TAF4B: variants seen among roughly 807,000 people sequenced by gnomAD.
TAF4B encodes the protein TATA-box binding protein associated factor 4b, also known as transcription initiation factor TFIID subunit 4B.
In TAF4B, 38 loss-of-function variants were observed where a neutral mutation model predicts 86.4. That is an observed-to-expected ratio of 0.44 (90% CI 0.34 to 0.58). The LOEUF (loss-of-function observed/expected upper bound fraction) is 0.58. Among genes scored for constraint, TAF4B ranks in the 20% least tolerant of loss-of-function variants. TAF4B has a pLI of 0.02. For synonymous variants in TAF4B, 388 were observed against 391.2 expected (o/e 0.99, Z 0.10); for missense variants, 988 against 1,027.6 (o/e 0.96, Z 0.53).
At chr18:26,246,177 G>A (rs1568101429) in intron 1 of TAF4B, among the ~76,000 whole-genome samples, 1 of 152,154 alleles carries the variant, frequency 6.6e-6, no homozygotes, top group African/African-American at 2.4e-5. Flanking sequence ...GAATATATGA[G>A]CATTGAAATT....
At chr18:26,250,323 C>A (rs1029998261) in intron 1 of TAF4B, among the ~76,000 whole-genome samples, 77 of 152,142 alleles carry the variant, frequency 5.1e-4, no homozygotes, top group African/African-American at 1.7e-3. Context: ...CGGTGAAACC[C>A]TGTCTCTACT....
intron 6 of TAF4B, among the ~76,000 whole-genome samples, chr18:26,285,236 T>G (rs1443151312): frequency 7.1e-6 from 1 of 140,960 alleles, no homozygotes; most frequent in African/African-American, 2.6e-5. Context: ...TTTTTTTTTT[T>G]GGAGATGGGG....
At chr18:26,317,731 T>C (rs1676998) in intron 10 of TAF4B, among the ~76,000 whole-genome samples, 141,568 of 152,266 alleles carry the variant, frequency 0.93, 66,135 homozygotes, top group East Asian at 0.99. Flanking sequence ...AGCCATCTTC[T>C]TGCTGTGTTT....
At chr18:26,321,710 T>C (rs997706735) in intron 11 of TAF4B, among the ~76,000 whole-genome samples, 1 of 152,168 alleles carries the variant, frequency 6.6e-6, no homozygotes, top group African/African-American at 2.4e-5. Context: ...TTATCTCAAA[T>C]CTACCCATTT....
At chr18:26,365,286 C>T (rs1158696333) in intron 14 of TAF4B, among the ~76,000 whole-genome samples, 3 of 152,116 alleles carry the variant, frequency 2.0e-5, no homozygotes, top group Non-Finnish European at 4.4e-5. Flanking sequence ...GGATTACAGA[C>T]GTGAGCCACC....
Position 26,267,549 on chromosome 18 carries a change from G to A in TAF4B, c.523G>A (p.Val175Met), listed in dbSNP as rs373829749. 5 of 1,614,164 alleles carry A rather than the reference G, an allele frequency of 3.1e-6. No homozygotes were observed. The highest frequency in any genetic ancestry group is 4.2e-6 in the Non-Finnish European group (5 of 1,180,012). The change falls in exon 3 of 15, where the codon GTG (valine) becomes ATG (methionine). Residue 175 changes from valine (V) to methionine (M), a missense_variant. Coordinates refer to ENST00000269142, the MANE Select transcript of TAF4B (RefSeq NM_005640.3). ...SSSQLIKKVA[V>M]TPVKKLAQIG... The stretch of plus-strand genomic sequence containing the variant: ...CTCACAATTAATCAAGAAAGTGGCA[G>A]TGACACCTGTTAAAAAATTGGCACA...
intron 1 of TAF4B, among the ~76,000 whole-genome samples, chr18:26,234,091 C>T (rs902442554): frequency 3.3e-5 from 5 of 152,096 alleles, no homozygotes; most frequent in African/African-American, 9.7e-5. Context: ...TTAACCACCC[C>T]GAGGGGAGAA....
At chr18:26,341,897 T>G (rs2057139741) in intron 13 of TAF4B, among the ~76,000 whole-genome samples, 1 of 119,414 alleles carries the variant, frequency 8.4e-6, no homozygotes. Flanking sequence ...TGTTTAGTAG[T>G]TTTTTTTTCC....
At chr18:26,370,003 TG>T (rs999639797) in intron 14 of TAF4B, among the ~76,000 whole-genome samples, 2 of 152,170 alleles carry the variant, frequency 1.3e-5, no homozygotes, top group African/African-American at 4.8e-5. Context: ...TGGCATACAG[TG>T]GCAAAACTTG....
Position 26,267,512 on chromosome 18 carries a change from C to G in TAF4B, c.490-4C>G. 6.2e-7 allele frequency: 1 copy of G among 1,612,100 alleles called. No homozygotes were observed. The highest frequency in any genetic ancestry group is 8.5e-7 in the Non-Finnish European group (1 of 1,178,160). The stretch of plus-strand genomic sequence containing the variant: ...GTGTTATCTTGCTCCCCTCCACCGC[C>G]AAGAACTCTAGCTCACAATTAATCA... On this transcript the variant is annotated splice_region_variant and splice_polypyrimidine_tract_variant and intron_variant, in intron 2 of 14. Coordinates refer to ENST00000269142, the MANE Select transcript of TAF4B (RefSeq NM_005640.3).
rs142136516 is a variant in TAF4B at position 26,286,594 on chromosome 18, A to G, written c.1590+95A>G. 612 of 1,354,726 alleles carry G rather than the reference A, an allele frequency of 4.5e-4. 3 individuals are homozygous for G. In the East Asian group the frequency reaches 0.012, roughly 26 times the overall value. The allele number at this position is 1,354,726 out of a possible 1,614,324, so 83.9% of individuals were successfully genotyped here. ...ACTAGTAGAAAACTAGTAAGGCTAT[A>G]TACTGTTTACGGGTTTGACCAATTA... is the stretch of plus-strand genomic sequence containing the variant. On this transcript the variant is annotated intron_variant, in intron 7 of 14. Coordinates refer to ENST00000269142, the MANE Select transcript of TAF4B (RefSeq NM_005640.3).
At chr18:26,346,817 G>GTATATATATATA (rs2057192604) in intron 13 of TAF4B, among the ~76,000 whole-genome samples, 1 of 11,646 alleles carries the variant, frequency 8.6e-5, no homozygotes, top group Admixed American at 8.1e-4. Flanking sequence ...ATATATATAT[G>GTATATATATATA]TGTGTGTATA....
intron 13 of TAF4B, among the ~76,000 whole-genome samples, chr18:26,339,221 C>A (rs1368321067): frequency 6.6e-6 from 1 of 152,168 alleles, no homozygotes; most frequent in African/African-American, 2.4e-5. Flanking sequence ...CTAGCCCTTT[C>A]AAATTCTGAA....
chr18:26,256,737 C>CT (rs2056090345), intron 1 of TAF4B, among the ~76,000 whole-genome samples: 1 of 150,770 alleles, frequency 6.6e-6, no homozygotes, highest in Non-Finnish European at 1.5e-5. Flanking sequence ...AAAGTATTTT[C>CT]TAGTTTCCTT....
rs1313493820 is a variant in TAF4B at position 26,274,790 on chromosome 18, A to G, written c.725A>G (p.Glu242Gly). Reference sequence around the variant, plus strand: ...TCAAATGAGCCCAATCTTAAAGCAGAGAACTCAGCAGCTGTTCAGATTAAT... The same window carrying G: ...TCAAATGAGCCCAATCTTAAAGCAGGGAACTCAGCAGCTGTTCAGATTAAT... Reference protein sequence around the residue: ...TPSNEPNLKAENSAAVQINLS... With the variant: ...TPSNEPNLKAGNSAAVQINLS... Residue 242 changes from glutamate (E) to glycine (G), a missense_variant, in exon 4 of 15, where the codon GAG becomes GGG. Glu to Gly is a moderately conservative substitution (Grantham distance 98). This residue lies in a region of TAF4B where 747 missense variants were observed against 737.9 expected (regional missense o/e 1.01). Coordinates refer to ENST00000269142, the MANE Select transcript of TAF4B (RefSeq NM_005640.3). 1 of 1,614,224 alleles carries G rather than the reference A, an allele frequency of 6.2e-7. No individual in the cohort carries two copies. The highest frequency in any genetic ancestry group is 8.5e-7 in the Non-Finnish European group (1 of 1,180,038).
In TAF4B at chr18:26,272,976, C is replaced by G. The variant is rs182034988; in HGVS notation, c.598-1687C>G. Among the ~76,000 whole-genome samples, 361 of 152,258 alleles carry G rather than the reference C, an allele frequency of 2.4e-3. 1 individual carries two copies. Among genetic ancestry groups the G allele is most frequent in the Non-Finnish European group, 4.0e-3 (271 of 68,030 alleles). ...AAAACTTTATTGTTCTAGTCCTCAT[C>G]ATTAATCAGTAATTTTAAAATCTTA... On this transcript the variant is annotated intron_variant, in intron 3 of 14. Transcript: ENST00000269142.
intron 1 of TAF4B, among the ~76,000 whole-genome samples, chr18:26,246,920 G>C (rs999968507): frequency 1.3e-5 from 2 of 149,316 alleles, no homozygotes; most frequent in African/African-American, 5.0e-5. Flanking sequence ...GCATGATTTC[G>C]CCTCACTGCA....
intron 1 of TAF4B, among the ~76,000 whole-genome samples, chr18:26,247,144 C>T (rs1216052716): frequency 2.0e-5 from 3 of 152,194 alleles, no homozygotes; most frequent in Non-Finnish European, 2.9e-5. Context: ...GGATTACAGG[C>T]GTGAGCCACC....
At chr18:26,264,021 TAGAG>T (rs2056205297) in intron 1 of TAF4B, among the ~76,000 whole-genome samples, 2 of 152,194 alleles carry the variant, frequency 1.3e-5, no homozygotes, top group African/African-American at 4.8e-5. Context: ...AGAATTAATA[TAGAG>T]AGTTTATTTG....
Sources: gnomAD v4.1 joint callset for allele counts (sites outside exome capture counted in the v4.1 genomes callset) on GRCh38, gnomAD v4.1.1 for gene constraint, gnomAD v4.1.1 regional missense constraint, MANE v1.5 for transcripts, NCBI Gene and HGNC (gene_info 2026-07-23, HGNC 2026-07-21) for gene names.